CCDC191: variants seen among roughly 807,000 people sequenced by gnomAD.
The protein encoded by CCDC191 is coiled-coil domain containing 191.
In CCDC191, 99 loss-of-function variants were observed where a neutral mutation model predicts 114.0. The observed-to-expected ratio is 0.87, with a 90% CI of 0.74 to 1.03. The LOEUF (loss-of-function observed/expected upper bound fraction) is 1.03. CCDC191 is among the 50% of genes least tolerant of loss of function. CCDC191 has a pLI of 0.00. For synonymous variants in CCDC191, 351 were observed against 376.0 expected (o/e 0.93, Z 0.77); for missense variants, 973 against 1,087.0 (o/e 0.90, Z 1.47).
At chr3:114,002,914 C>G (rs2075881507) in intron 11 of CCDC191, 5 of 982,868 alleles carry the variant, frequency 5.1e-6, no homozygotes, top group African/African-American at 1.7e-5. Flanking sequence ...TTACATCTAA[C>G]AAGTACTTTG....
At chr3:113,995,811 C>G (rs541922654) in intron 13 of CCDC191, among the ~76,000 whole-genome samples, 1 of 152,236 alleles carries the variant, frequency 6.6e-6, no homozygotes, top group South Asian at 2.1e-4. Flanking sequence ...TTTTACTAAT[C>G]GCTATTCTGA....
chr3:114,033,177 A>C lies in CCDC191; in HGVS notation c.819-1398T>G, dbSNP rs529495300. Among the ~76,000 whole-genome samples the C allele has an allele frequency of 3.3e-5, 5 of 151,788 alleles. No individual in the cohort carries two copies. In the East Asian group the frequency reaches 7.8e-4, roughly 24 times the overall value. Reference sequence around the variant, plus strand: ...CAGTGGCATGATCTCGGCTCACTGCAACCTCTGCCTCCTGGGTTCAGGCGA... The same window carrying C: ...CAGTGGCATGATCTCGGCTCACTGCCACCTCTGCCTCCTGGGTTCAGGCGA... On this transcript the variant is annotated intron_variant, in intron 6 of 16. Transcript: ENST00000295878.
intron 16 of CCDC191, among the ~76,000 whole-genome samples, chr3:113,969,392 C>T (rs1163016755): frequency 1.3e-5 from 2 of 152,128 alleles, no homozygotes; most frequent in Admixed American, 6.5e-5. Flanking sequence ...GTTGTCTGTG[C>T]TTTTGAGGTC....
chr3:114,018,323 A>ATATTT (rs143204325), intron 8 of CCDC191, among the ~76,000 whole-genome samples: 9,511 of 150,950 alleles, frequency 0.063, 370 homozygotes, highest in African/African-American at 0.093. Flanking sequence ...TGTACAATGT[A>ATATTT]TATTTTATTT....
chr3:114,001,115 T>C (rs2075847283), intron 13 of CCDC191, among the ~76,000 whole-genome samples: 1 of 152,196 alleles, frequency 6.6e-6, no homozygotes, highest in Admixed American at 6.5e-5. Flanking sequence ...ATTATTTCTT[T>C]GTGTATTATC....
At chr3:114,054,585 C>T (rs535817591) in intron 1 of CCDC191, among the ~76,000 whole-genome samples, 153 of 152,240 alleles carry the variant, frequency 1.0e-3, no homozygotes, top group African/African-American at 3.2e-3. Context: ...TGCAGTGAGC[C>T]GAGATTGCAC....
chr3:114,051,574 A>G (rs1295509688), intron 2 of CCDC191, among the ~76,000 whole-genome samples: 1 of 152,198 alleles, frequency 6.6e-6, no homozygotes, highest in African/African-American at 2.4e-5. Flanking sequence ...TTTAAAATAT[A>G]TATTTAAAAA....
intron 11 of CCDC191, 64 bp from the exon 12 acceptor site, chr3:114,002,602 A>C: frequency 7.2e-7 from 1 of 1,381,858 alleles, no homozygotes; most frequent in Non-Finnish European, 9.9e-7. Context: ...ATACTGCAAG[A>C]GAAATGTCTC....
At chr3:113,974,974 A>C (rs909539113) in intron 16 of CCDC191, among the ~76,000 whole-genome samples, 1 of 152,196 alleles carries the variant, frequency 6.6e-6, no homozygotes, top group Non-Finnish European at 1.5e-5. Flanking sequence ...TGATAATTAC[A>C]TGTGGGTGTA....
chr3:114,024,481 A>C (rs1186702023), intron 7 of CCDC191, among the ~76,000 whole-genome samples: 1 of 152,238 alleles, frequency 6.6e-6, no homozygotes, highest in Non-Finnish European at 1.5e-5. Flanking sequence ...CTGGATTAAG[A>C]AAATGTGGCA....
chr3:114,008,610 T>G (rs998600578), intron 9 of CCDC191, among the ~76,000 whole-genome samples: 1 of 151,998 alleles, frequency 6.6e-6, no homozygotes, highest in Non-Finnish European at 1.5e-5. Flanking sequence ...TTATAAAAAC[T>G]AAACAACTGT....
At chr3:114,023,487 G>C (rs1302227812) in intron 7 of CCDC191, among the ~76,000 whole-genome samples, 2 of 152,138 alleles carry the variant, frequency 1.3e-5, no homozygotes, top group African/African-American at 2.4e-5. Context: ...AAAACAGCAT[G>C]GTACTGGTAC....
chr3:113,978,994 T>TAATA lies in CCDC191; in HGVS notation c.2323_2324insTATT (p.Tyr775LeufsTer18), dbSNP rs1415513403. 1.9e-6 allele frequency: 3 copies of TAATA among 1,613,536 alleles called. No homozygotes were observed. The East Asian group carries it at 6.7e-5, about 36-fold the overall frequency. ...GTATTTCCTCTGCAGGAACAAAGAG[T>TAATA]AATGTTCTTCTGCCACCTGGACAAT... is the stretch of plus-strand genomic sequence containing the variant. On this transcript the variant is annotated frameshift_variant, in exon 15 of 17. Transcript: ENST00000295878. LOFTEE classifies it high-confidence loss of function.
At chr3:114,039,915 CAGTGTACCCTA>C (rs2076538107) in intron 4 of CCDC191, among the ~76,000 whole-genome samples, 1 of 152,064 alleles carries the variant, frequency 6.6e-6, no homozygotes, top group South Asian at 2.1e-4. Flanking sequence ...TTTATAAATT[CAGTGTACCCTA>C]AGTATACAGT....
At chr3:114,027,624 A>AAAAAAG (rs2076343124) in intron 7 of CCDC191, among the ~76,000 whole-genome samples, 6 of 130,958 alleles carry the variant, frequency 4.6e-5, no homozygotes, top group Non-Finnish European at 1.0e-4. Context: ...AAAAAAAAAG[A>AAAAAAG]AAAAAAAATC....
At chr3:114,004,793 C>T (rs200555397) in intron 10 of CCDC191, 47 bp from the exon 11 acceptor site, 2 of 1,575,344 alleles carry the variant, frequency 1.3e-6, no homozygotes, top group Admixed American at 3.6e-5. Context: ...AACCAGTTTC[C>T]TTCAAACTCC....
In CCDC191 at chr3:114,005,738, C is replaced by G; in HGVS notation, c.1638G>C (p.Pro546=). ...GGTTGTGGAAATGACCCAAGCAAAG[C>G]GGTTCTGCTTTCTGGCTGGTAGTTC... ...TLRTTSQKAE[P]LCLGHFHNRH... is the part of the protein sequence containing the mutation. The change falls in exon 10 of 17, where the codon CCG becomes CCC. Residue 546 remains proline, a synonymous_variant. Transcript: ENST00000295878. The G allele has an allele frequency of 6.2e-7, 1 of 1,614,094 alleles. No individual in the cohort carries two copies. Among genetic ancestry groups the G allele is most frequent in the Non-Finnish European group, 8.5e-7 (1 of 1,180,006 alleles).
Position 113,969,268 on chromosome 3 carries a change from A to G in CCDC191, c.2607-3909T>C, listed in dbSNP as rs560567002. On this transcript the variant is annotated intron_variant, in intron 16 of 16. Coordinates refer to ENST00000295878, the MANE Select transcript of CCDC191 (RefSeq NM_020817.2). ...GGACAAACATCCAAACTATACAGAC[A>G]GTTTGCAAATACTCTCTCTCTCTTT... is the stretch of plus-strand genomic sequence containing the variant. Among the ~76,000 whole-genome samples the G allele has an allele frequency of 4.6e-5, 7 of 152,304 alleles. No individual in the cohort carries two copies. In the East Asian group the frequency reaches 1.2e-3, roughly 25 times the overall value.
chr3:113,979,694 T>C (rs2075071057), intron 14 of CCDC191, among the ~76,000 whole-genome samples: 1 of 152,322 alleles, frequency 6.6e-6, no homozygotes, highest in African/African-American at 2.4e-5. Flanking sequence ...TATCTGGCAC[T>C]GTGAATGTGA....
Sources: gnomAD v4.1 joint callset for allele counts (sites outside exome capture counted in the v4.1 genomes callset) on GRCh38, gnomAD v4.1.1 for gene constraint, MANE v1.5 for transcripts, NCBI Gene and HGNC (gene_info 2026-07-23, HGNC 2026-07-21) for gene names.